HUWE1: variants seen among roughly 807,000 people sequenced by gnomAD.
HUWE1 encodes HECT, UBA and WWE domain containing E3 ubiquitin protein ligase 1.
A neutral mutation model predicts 299.4 loss-of-function variants in HUWE1; 18 were observed. That is an observed-to-expected ratio of 0.06 (90% confidence interval 0.04 to 0.09). HUWE1 has a LOEUF of 0.09. Ranked by LOEUF, HUWE1 falls within the 10% of genes least tolerant of loss-of-function variation. HUWE1 has a pLI of 1.00. For missense variants in HUWE1, 1,832 were observed against 3,462.3 expected (o/e 0.53, Z 11.82); for synonymous variants, 1,317 against 1,286.1 (o/e 1.02, Z -0.51).
chrX:53,535,660 T>C (rs1322935287), intron 80 of HUWE1, among the ~76,000 whole-genome samples, 159 bp from the exon 81 acceptor site: 1 of 111,507 alleles, frequency 9.0e-6, no homozygotes, highest in Non-Finnish European at 1.9e-5. Flanking sequence ...AGCTCGCAAC[T>C]CCCCTTATAG....
At chrX:53,588,328 G>C in intron 37 of HUWE1, 54 bp downstream of exon 37, 1 of 1,140,586 alleles carries the variant, frequency 8.8e-7, no homozygotes, top group Non-Finnish European at 1.2e-6. Context: ...TATGTTAAGT[G>C]TTTGATAATT....
Position 53,547,509 on chromosome X carries a change from T to A in HUWE1, c.10636+164A>T, listed in dbSNP as rs782657300. Among the ~76,000 whole-genome samples, 8 of 109,023 alleles carry A rather than the reference T, an allele frequency of 7.3e-5. No homozygotes were observed. In the South Asian group the frequency reaches 3.2e-3, roughly 44 times the overall value. 94.7% of individuals were successfully genotyped at this position (109,023 alleles called of 115,157 possible). ...CGGGGATGGAGGAAGGGAGACAGAG[T>A]GAGAGAACTGGGACAGATGAGGGTG... is the stretch of plus-strand genomic sequence containing the variant. On this transcript the variant is annotated intron_variant, in intron 68 of 83. Coordinates refer to ENST00000262854, the MANE Select transcript of HUWE1 (RefSeq NM_031407.7).
rs1556924770 is a variant in HUWE1, at chrX:53,548,045, A to T, written c.10264T>A (p.Ser3422Thr). ...PVSAGGEGET[S>T]PYSLEASPLG... ...GGAGAGGCCTCGAGGCTGTATGGAG[A>T]GGTTTCCCCCTCACCGCCAGCGCTC... is the stretch of plus-strand genomic sequence containing the variant. The change falls in exon 68 of 84, where the codon TCT becomes ACT. Residue 3422 changes from serine (S) to threonine (T), a missense_variant. This residue lies in a region of HUWE1 where 119 missense variants were observed against 124.6 expected (regional missense o/e 0.96). Coordinates refer to ENST00000262854, the MANE Select transcript of HUWE1 (RefSeq NM_031407.7). The T allele has an allele frequency of 8.3e-7, 1 of 1,210,318 alleles. No individual in the cohort carries two copies. Among genetic ancestry groups the T allele is most frequent in the South Asian group, 1.8e-5 (1 of 56,658 alleles).
chrX:53,680,945 G>A (rs1557053023), intron 2 of HUWE1, among the ~76,000 whole-genome samples: 1 of 105,070 alleles, frequency 9.5e-6, no homozygotes, highest in East Asian at 3.0e-4. Context: ...ACTGAAGTTC[G>A]AAACTAGAGT....
At chrX:53,544,803 A>G in intron 71 of HUWE1, 41 bp from the exon 72 acceptor site, 10 of 1,081,936 alleles carry the variant, frequency 9.2e-6, no homozygotes, top group South Asian at 1.8e-5. Flanking sequence ...TGACAGCATC[A>G]AAGTATAAAC....
intron 3 of HUWE1, among the ~76,000 whole-genome samples, chrX:53,668,174 T>C (rs1301336622): frequency 2.7e-5 from 3 of 110,472 alleles, no homozygotes; most frequent in Admixed American, 9.6e-5. Context: ...CCGGGCGCGG[T>C]GGCTCACCCC....
intron 5 of HUWE1, among the ~76,000 whole-genome samples, 186 bp from the exon 6 acceptor site, chrX:53,647,760 C>G (rs1052083842): frequency 2.7e-5 from 3 of 111,672 alleles, no homozygotes; most frequent in African/African-American, 9.8e-5. Context: ...TCATACCCAT[C>G]TAGATATATG....
chrX:53,612,304 A>G (rs367859162), intron 23 of HUWE1, among the ~76,000 whole-genome samples: 1 of 112,246 alleles, frequency 8.9e-6, no homozygotes. Context: ...ATGAGCATCC[A>G]GAATGTAGAA....
chrX:53,546,392 G>A, intron 70 of HUWE1, 44 bp downstream of exon 70: 13 of 1,157,363 alleles, frequency 1.1e-5, no homozygotes, highest in Non-Finnish European at 1.5e-5. Flanking sequence ...AAGCACCTAA[G>A]TGGAAACCTT....
Position 53,647,526 on chromosome X carries a change from G to T in HUWE1, c.193C>A (p.Leu65Met). The change falls in exon 6 of 84, where the codon CTG becomes ATG. Residue 65 changes from leucine (L) to methionine (M), a missense_variant. Transcript: ENST00000262854. ...VDLLDRFDGILADAGQTVENM... is the reference protein window; with the variant it reads ...VDLLDRFDGIMADAGQTVENM... ...TCCACTGTCTGTCCAGCATCTGCCA[G>T]TATTCCATCGAAGCGGTCCAACAGG... The T allele has an allele frequency of 8.3e-7, 1 of 1,209,220 alleles. No homozygotes were observed. The highest frequency in any genetic ancestry group is 1.1e-6 in the Non-Finnish European group (1 of 893,087).
chrX:53,616,498 T>C (rs1557007543), intron 21 of HUWE1, among the ~76,000 whole-genome samples: 1 of 112,058 alleles, frequency 8.9e-6, no homozygotes, highest in East Asian at 2.8e-4. Context: ...ACAGTGGTGG[T>C]TGAAAAGTAC....
At chrX:53,612,899 C>G (rs1557003718) in intron 23 of HUWE1, among the ~76,000 whole-genome samples, 6 of 111,563 alleles carry the variant, frequency 5.4e-5, no homozygotes. Context: ...AGCTTGAAAT[C>G]TGGGCACATC....
chrX:53,661,425 ATTTG>A (rs2149431017), intron 3 of HUWE1, among the ~76,000 whole-genome samples: 1 of 111,694 alleles, frequency 9.0e-6, no homozygotes, highest in South Asian at 3.7e-4. Flanking sequence ...GCTGAATCCT[ATTTG>A]TTTGAAAAAA....
chrX:53,590,622 C>T, intron 34 of HUWE1, 123 bp from the exon 35 acceptor site: 2 of 552,958 alleles, frequency 3.6e-6, no homozygotes, highest in Non-Finnish European at 6.3e-6. Context: ...GGAAGGGCCT[C>T]AAAATGCTGC....
chrX:53,573,671 C>T, intron 47 of HUWE1, 79 bp downstream of exon 47: 1 of 850,539 alleles, frequency 1.2e-6, no homozygotes, highest in Non-Finnish European at 1.8e-6. Context: ...TGCACAGCTT[C>T]CCAGCAGTGT....
At chrX:53,644,963 C>T (rs1247899551) in intron 7 of HUWE1, among the ~76,000 whole-genome samples, 2 of 112,046 alleles carry the variant, frequency 1.8e-5, no homozygotes, top group South Asian at 3.7e-4. Context: ...AAACCAGTGT[C>T]GGCGCTAGTA....
At chrX:53,566,874 C>G (rs1171984794) in intron 49 of HUWE1, among the ~76,000 whole-genome samples, 1 of 110,102 alleles carries the variant, frequency 9.1e-6, no homozygotes, top group Non-Finnish European at 1.9e-5. Flanking sequence ...GTGAGATGTT[C>G]TATAAGACAT....
At position 53,592,479 on chromosome X, in the gene HUWE1, C is replaced by G. The variant is rs782456739; in HGVS notation, c.3891G>C (p.Gly1297=). 5.0e-6 allele frequency: 6 copies of G among 1,210,960 alleles called. No homozygotes were observed. Residue 1297 remains glycine, a synonymous_variant, in exon 33 of 84, where the codon GGG becomes GGC. Transcript: ENST00000262854. The stretch of plus-strand genomic sequence containing the variant: ...GCCCTGTATCCTCTTCTCCTCGAGA[C>G]CCCTCCTTCTCCTTGCTTAGTCTCT... ...IRERLSKEKE[G]SRGEEDTGQE...
intron 25 of HUWE1, 74 bp from the exon 26 acceptor site, chrX:53,604,908 A>G: frequency 9.9e-7 from 1 of 1,014,223 alleles, no homozygotes; most frequent in South Asian, 2.1e-5. Flanking sequence ...AATAGTCACA[A>G]TGGAAGTGAC....
Sources: allele counts gnomAD v4.1 joint callset (sites outside exome capture counted in the v4.1 genomes callset), GRCh38; gene constraint gnomAD v4.1.1; regional missense constraint gnomAD v4.1.1; transcripts MANE v1.5; gene names NCBI Gene and HGNC (gene_info 2026-07-23, HGNC 2026-07-21).